Variants in CASD1 observed in about 807,000 individuals in gnomAD.
The protein encoded by CASD1 is N-acetylneuraminate (7)9-O-acetyltransferase.
Under a neutral mutation model 100.0 loss-of-function variants are expected in CASD1, and 41 were observed. The observed-to-expected ratio is 0.41, with a 90% CI of 0.32 to 0.53. The LOEUF (loss-of-function observed/expected upper bound fraction) is 0.53, where lower values mean the gene tolerates loss of function less well. Among genes scored for constraint, CASD1 ranks in the 20% least tolerant of loss-of-function variants. The pLI is 0.25. For missense variants in CASD1, 774 were observed against 948.7 expected (o/e 0.82, Z 2.42); for synonymous variants, 321 against 315.6 (o/e 1.02, Z -0.18).
At chr7:94,561,677 G>A (rs1010836584), downstream of CASD1, among the ~76,000 whole-genome samples, 2 of 151,726 alleles carry the variant, frequency 1.3e-5, no homozygotes, top group African/African-American at 4.8e-5. Flanking sequence ...TTAAACTCAA[G>A]TTTGCCTAAA....
intron 3 of CASD1, among the ~76,000 whole-genome samples, chr7:94,526,888 T>C (rs1478553644): frequency 6.6e-6 from 1 of 152,214 alleles, no homozygotes; most frequent in Non-Finnish European, 1.5e-5. Flanking sequence ...TATACAGACA[T>C]GTTTATGTAT....
chr7:94,616,041 C>G, the CASD1 span, among the ~76,000 whole-genome samples: 436 of 152,266 alleles, frequency 2.9e-3, no homozygotes, highest in African/African-American at 0.01. Context: ...TGAAGTAAAT[C>G]TTCATAATCA....
the CASD1 span, among the ~76,000 whole-genome samples, chr7:94,606,701 T>C: frequency 6.6e-6 from 1 of 152,142 alleles, no homozygotes; most frequent in East Asian, 1.9e-4. Context: ...ATGAAACATT[T>C]AGCAACATTC....
Position 94,555,882 on chromosome 7 carries a change from T to G in CASD1, c.*124T>G, listed in dbSNP as rs907623266. 2 of 921,866 alleles carry G rather than the reference T, an allele frequency of 2.2e-6. No individual in the cohort carries two copies. The highest frequency in any genetic ancestry group is 3.3e-5 in the African/African-American group (2 of 60,024). The allele number at this position is 921,866 out of a possible 1,614,324, so 57.1% of individuals were successfully genotyped here. A position where few individuals can be genotyped will look rare whatever the true frequency, so the allele number is the denominator to read the frequency against. ...ATAAACGTTTGTGGCAAGAGGACAG[T>G]TCTGTGACATCTGTTGAACATATGT... On this transcript the variant is annotated 3_prime_UTR_variant, in exon 18 of 18. Transcript: ENST00000297273.
chr7:94,554,996 CTTA>C (rs1796135027), intron 17 of CASD1, among the ~76,000 whole-genome samples: 1 of 151,862 alleles, frequency 6.6e-6, no homozygotes, highest in African/African-American at 2.4e-5. Flanking sequence ...AAAATTTACC[CTTA>C]TTATGATTGG....
the CASD1 span, among the ~76,000 whole-genome samples, chr7:94,564,728 C>T: frequency 6.6e-6 from 1 of 152,110 alleles, no homozygotes; most frequent in African/African-American, 2.4e-5. Flanking sequence ...CATGAAAATA[C>T]TTTGGGTCTT....
Position 94,533,264 on chromosome 7 carries a change from G to A in CASD1, c.504+15G>A. 6.3e-7 allele frequency: 1 copy of A among 1,596,402 alleles called. No individual in the cohort carries two copies. Among genetic ancestry groups the A allele is most frequent in the South Asian group, 1.1e-5 (1 of 88,576 alleles). ...GAGCTGCCACAGTAAGTTATCATCT[G>A]TATTCTTACTTAATGATTTTGTTTC... On this transcript the variant is annotated intron_variant, in intron 6 of 17. Coordinates refer to ENST00000297273, the MANE Select transcript of CASD1 (RefSeq NM_022900.5).
chr7:94,513,471 C>G lies in CASD1; in HGVS notation c.133+3254C>G, dbSNP rs11982468. Reference sequence around the variant, plus strand: ...CCAAATTCCAGGTTCACAATCTAAACGTGCTTTGCCCGTTTATACGTCTCA... The same window carrying G: ...CCAAATTCCAGGTTCACAATCTAAAGGTGCTTTGCCCGTTTATACGTCTCA... On this transcript the variant is annotated intron_variant, in intron 1 of 17. Coordinates refer to ENST00000297273, the MANE Select transcript of CASD1 (RefSeq NM_022900.5). Among the ~76,000 whole-genome samples, 9 of 152,130 alleles carry G rather than the reference C, an allele frequency of 5.9e-5. No individual in the cohort carries two copies. The East Asian group carries it at 1.5e-3, about 26-fold the overall frequency.
At chr7:94,512,140 A>G (rs950218948) in intron 1 of CASD1, among the ~76,000 whole-genome samples, 1 of 152,230 alleles carries the variant, frequency 6.6e-6, no homozygotes, top group Non-Finnish European at 1.5e-5. Flanking sequence ...TTTGACTCAC[A>G]TTATAACTCT....
intron 3 of CASD1, among the ~76,000 whole-genome samples, chr7:94,521,670 A>G (rs1794280402): frequency 6.6e-6 from 1 of 152,228 alleles, no homozygotes; most frequent in Admixed American, 6.5e-5. Context: ...TGCATGTACC[A>G]TACATATACA....
chr7:94,612,508 A>G, the CASD1 span, among the ~76,000 whole-genome samples: 2 of 152,198 alleles, frequency 1.3e-5, no homozygotes, highest in African/African-American at 4.8e-5. Context: ...TTATGGCAGT[A>G]TAATTTCTTT....
intron 1 of CASD1, 72 bp from the exon 2 acceptor site, chr7:94,517,488 T>C (rs184233478): frequency 2.0e-5 from 18 of 902,192 alleles, no homozygotes; most frequent in Admixed American, 1.6e-4. Context: ...AAGGAACTTA[T>C]ATAGGGTCAA....
At chr7:94,624,387 CA>C in the CASD1 span, 4 of 394,272 alleles carry the variant, frequency 1.0e-5, no homozygotes, top group Non-Finnish European at 1.8e-5. Flanking sequence ...TGAGTTAGAA[CA>C]GTAAGAATTT....
chr7:94,561,676 A>G (rs1444377875), downstream of CASD1, among the ~76,000 whole-genome samples: 1 of 152,092 alleles, frequency 6.6e-6, no homozygotes, highest in Non-Finnish European at 1.5e-5. Context: ...ATTAAACTCA[A>G]GTTTGCCTAA....
the CASD1 span, among the ~76,000 whole-genome samples, chr7:94,578,356 A>T: frequency 6.6e-6 from 1 of 152,182 alleles, no homozygotes; most frequent in Non-Finnish European, 1.5e-5. Context: ...CATCTCCAGA[A>T]TCATCTTTAA....
chr7:94,533,330 G>C, intron 6 of CASD1, 81 bp downstream of exon 6: 1 of 1,173,094 alleles, frequency 8.5e-7, no homozygotes, highest in Admixed American at 2.0e-5. Context: ...TTTGTGTTCA[G>C]AATTCTTGAT....
At chr7:94,542,418 C>T (rs1795450780) in intron 10 of CASD1, among the ~76,000 whole-genome samples, 1 of 152,020 alleles carries the variant, frequency 6.6e-6, no homozygotes, top group African/African-American at 2.4e-5. Flanking sequence ...AATTCAAAAA[C>T]TTTATATAAA....
At chr7:94,598,765 G>A in the CASD1 span, 1 of 1,575,940 alleles carries the variant, frequency 6.3e-7, no homozygotes, top group Non-Finnish European at 8.7e-7. Context: ...GGCTCTAAGT[G>A]GACACTTACT....
At position 94,554,531 on chromosome 7, in the gene CASD1, G is replaced by C. The variant is rs757671181; in HGVS notation, c.2083G>C (p.Val695Leu). 6.2e-7 allele frequency: 1 copy of C among 1,612,270 alleles called. No individual in the cohort carries two copies. Among genetic ancestry groups the C allele is most frequent in the South Asian group, 1.1e-5 (1 of 90,942 alleles). ...IRNIPGYARS[V>L]YSSFFAWFGK... ...AAACATCCCTGGATATGCCCGTTCAGTTTACAGTTCATTTTTTGCTTGGTT... is the reference window on the plus strand; with the variant it reads ...AAACATCCCTGGATATGCCCGTTCACTTTACAGTTCATTTTTTGCTTGGTT... The change falls in exon 17 of 18, where the codon GTT (valine) becomes CTT (leucine). Residue 695 changes from valine to leucine, a missense_variant. By Grantham distance (32) the Val-to-Leu change is conservative. Around this residue, in one of 5 missense-constraint regions of CASD1, gnomAD observed 175 missense variants for 206.9 expected, o/e 0.85. Transcript: ENST00000297273.
Sources: gnomAD v4.1 joint callset for allele counts (sites outside exome capture counted in the v4.1 genomes callset) on GRCh38, gnomAD v4.1.1 for gene constraint, gnomAD v4.1.1 regional missense constraint, MANE v1.5 for transcripts, NCBI Gene and HGNC (gene_info 2026-07-23, HGNC 2026-07-21) for gene names.